Variants in RIN2 observed in about 807,000 individuals in gnomAD.
RIN2 encodes the protein RAB5 interacting protein 2.
A neutral mutation model predicts 78.0 loss-of-function variants in RIN2; 36 were observed. The observed-to-expected ratio is 0.46, with a 90% CI of 0.35 to 0.61. The LOEUF (loss-of-function observed/expected upper bound fraction) is 0.61. RIN2 is among the 20% of genes least tolerant of loss of function. The pLI is 0.00. For synonymous variants in RIN2, 466 were observed against 466.8 expected (o/e 1.00, Z 0.02); for missense variants, 1,087 against 1,159.7 (o/e 0.94, Z 0.91).
intron 2 of RIN2, 183 bp from the exon 3 acceptor site, chr20:19,889,383 G>A: frequency 8.3e-7 from 1 of 1,207,040 alleles, no homozygotes; most frequent in Non-Finnish European, 1.1e-6. Context: ...GGCAGTCTAG[G>A]AACTGCGCTG....
At chr20:19,803,882 G>T (rs1262107533) in intron 2 of RIN2, among the ~76,000 whole-genome samples, 1 of 152,134 alleles carries the variant, frequency 6.6e-6, no homozygotes, top group East Asian at 1.9e-4. Context: ...TTGAGCAGTG[G>T]TTTGTAGTTC....
chr20:19,823,632 G>T (rs2035994284), intron 2 of RIN2: 1 of 1,553,064 alleles, frequency 6.4e-7, no homozygotes, highest in Non-Finnish European at 8.8e-7. Flanking sequence ...CATCAAAAGT[G>T]ATATTCCCAC....
At chr20:19,761,067 C>T (rs2033621196) in intron 1 of RIN2, among the ~76,000 whole-genome samples, 1 of 152,166 alleles carries the variant, frequency 6.6e-6, no homozygotes, top group Non-Finnish European at 1.5e-5. Flanking sequence ...AGTTGCACAG[C>T]AAGAAGTATA....
At chr20:19,841,644 A>T (rs1238098137) in intron 2 of RIN2, among the ~76,000 whole-genome samples, 1 of 152,174 alleles carries the variant, frequency 6.6e-6, no homozygotes, top group Non-Finnish European at 1.5e-5. Context: ...AGGGAAGGGA[A>T]CTGGGACCAA....
chr20:19,774,575 C>T (rs767475255), intron 1 of RIN2, among the ~76,000 whole-genome samples: 7 of 152,178 alleles, frequency 4.6e-5, no homozygotes, highest in Admixed American at 3.3e-4. Flanking sequence ...GAAAATTATT[C>T]GTATTCTAGA....
chr20:19,859,621 A>G (rs1048881202), intron 2 of RIN2, among the ~76,000 whole-genome samples: 4 of 152,166 alleles, frequency 2.6e-5, no homozygotes, highest in African/African-American at 2.4e-5. Context: ...ATTCCATGAC[A>G]GTAGCTACCA....
chr20:19,814,383 C>A lies in RIN2; in HGVS notation c.-37+14636C>A, dbSNP rs550996142. Among the ~76,000 whole-genome samples, 6 of 152,082 alleles carry A rather than the reference C, an allele frequency of 3.9e-5. No individual in the cohort carries two copies. In the South Asian group the frequency reaches 8.3e-4, roughly 21 times the overall value. On this transcript the variant is annotated intron_variant, in intron 2 of 12. Coordinates refer to ENST00000255006, the MANE Select transcript of RIN2 (RefSeq NM_018993.4). ...CTTGCCCTTTCCCCTCCTCCCACCC[C>A]CTCCCCAGTGCTTCCACAAGTCTGA...
chr20:19,875,097 G>C (rs1050855650), intron 2 of RIN2, among the ~76,000 whole-genome samples: 4 of 151,114 alleles, frequency 2.6e-5, no homozygotes, highest in African/African-American at 7.4e-5. Flanking sequence ...CTGACTTCAA[G>C]TGATCCACCC....
intron 1 of RIN2, among the ~76,000 whole-genome samples, chr20:19,766,405 G>A (rs1381325031): frequency 2.0e-5 from 3 of 152,116 alleles, no homozygotes; most frequent in Non-Finnish European, 2.9e-5. Context: ...ATCAGAGGTA[G>A]AGTCATTTCA....
intron 3 of RIN2, among the ~76,000 whole-genome samples, chr20:19,906,312 G>T (rs764953866): frequency 2.0e-5 from 3 of 152,184 alleles, no homozygotes; most frequent in Non-Finnish European, 1.5e-5. Flanking sequence ...AGCCAGGCAT[G>T]GTGGCATGCA....
chr20:19,972,155 T>C (rs1568682490), intron 8 of RIN2, among the ~76,000 whole-genome samples: 1 of 152,186 alleles, frequency 6.6e-6, no homozygotes, highest in Non-Finnish European at 1.5e-5. Context: ...TCTCGGGCCA[T>C]AGAAACGTCC....
chr20:19,955,321 A>G, intron 4 of RIN2, among the ~76,000 whole-genome samples: 1 of 152,026 alleles, frequency 6.6e-6, no homozygotes, highest in African/African-American at 2.4e-5. Context: ...ATTCCATTGT[A>G]AGAATAGATT....
chr20:19,889,117 C>A (rs771123525), intron 2 of RIN2: 1 of 985,378 alleles, frequency 1.0e-6, no homozygotes, highest in Non-Finnish European at 1.2e-6. Context: ...GGGGGAGAGG[C>A]CAGCAGAGCT....
At chr20:19,891,306 G>A (rs888952759) in intron 3 of RIN2, among the ~76,000 whole-genome samples, 5 of 152,172 alleles carry the variant, frequency 3.3e-5, no homozygotes, top group Admixed American at 3.3e-4. Context: ...AGCCCACCAG[G>A]TTGCCCAATT....
Position 19,966,928 on chromosome 20 carries a change from C to CAT in RIN2, c.536+1910_536+1911dup, listed in dbSNP as rs1555803128. On this transcript the variant is annotated intron_variant, in intron 7 of 12. Transcript: ENST00000255006. The stretch of plus-strand genomic sequence containing the variant: ...ACAGACACACACACACACACACACA[C>CAT]ATATATACACACTCATCCCCAGGGA... Among the ~76,000 whole-genome samples, 1,145 of 151,954 alleles carry CAT rather than the reference C, an allele frequency of 7.5e-3. 16 individuals are homozygous for CAT. The highest frequency in any genetic ancestry group is 0.025 in the African/African-American group (1,054 of 41,424).
chr20:19,965,877 G>T (rs1446953111), intron 7 of RIN2, among the ~76,000 whole-genome samples: 2 of 152,196 alleles, frequency 1.3e-5, no homozygotes, highest in Admixed American at 1.3e-4. Flanking sequence ...CTCCCAAAGT[G>T]CTGGGATCAC....
intron 2 of RIN2, among the ~76,000 whole-genome samples, chr20:19,862,328 A>C (rs1187099047): frequency 6.6e-6 from 1 of 152,156 alleles, no homozygotes; most frequent in African/African-American, 2.4e-5. Flanking sequence ...GTGTTGGCTC[A>C]CACCAGTAAT....
At chr20:19,840,729 C>T (rs1356874439) in intron 2 of RIN2, among the ~76,000 whole-genome samples, 1 of 152,200 alleles carries the variant, frequency 6.6e-6, no homozygotes, top group Non-Finnish European at 1.5e-5. Flanking sequence ...CCACACAGTT[C>T]CATTTCCTGG....
intron 4 of RIN2, among the ~76,000 whole-genome samples, chr20:19,952,982 C>G (rs528048006): frequency 6.6e-6 from 1 of 152,324 alleles, no homozygotes; most frequent in Admixed American, 6.5e-5. Flanking sequence ...TGCAATGTCT[C>G]TGGCTCACCC....
Sources: allele counts gnomAD v4.1 joint callset (sites outside exome capture counted in the v4.1 genomes callset), GRCh38; gene constraint gnomAD v4.1.1; transcripts MANE v1.5; gene names NCBI Gene and HGNC (gene_info 2026-07-23, HGNC 2026-07-21).